The following PKHD1L1 variants were observed in gnomAD, a reference collection of about 807,000 sequenced individuals.
PKHD1L1 encodes the protein fibrocystin-L.
Under a neutral mutation model 462.9 loss-of-function variants are expected in PKHD1L1, and 434 were observed. The observed-to-expected ratio is 0.94, with a 90% CI of 0.87 to 1.02. PKHD1L1 has a LOEUF of 1.02. Ranked by LOEUF, PKHD1L1 falls within the 50% of genes least tolerant of loss-of-function variation. The probability of loss-of-function intolerance (pLI) is 0.00; values close to 1 mark genes in which losing one functional copy is unlikely to be tolerated. For missense variants in PKHD1L1, 5,202 were observed against 5,096.1 expected, an observed-to-expected ratio of 1.02 and a Z score of -0.63; for synonymous variants, 1,781 against 1,750.0, an observed-to-expected ratio of 1.02 and a Z score of -0.44.
Position 109,445,654 on chromosome 8 carries a change from A to T in PKHD1L1, c.5776+9A>T, listed in dbSNP as rs768999613. ...AATTATCCCAAGCAGAGGTACTCCA[A>T]TATCTGCCTTATTATCTTGATATTA... On this transcript the variant is annotated intron_variant, in intron 38 of 77. Transcript: ENST00000378402. 1.0e-5 allele frequency: 16 copies of T among 1,581,770 alleles called. No individual in the cohort carries two copies. Among genetic ancestry groups the T allele is most frequent in the Non-Finnish European group, 1.3e-5 (15 of 1,154,228 alleles).
chr8:109,368,466 C>T (rs1231322989), intron 2 of PKHD1L1, among the ~76,000 whole-genome samples: 1 of 152,146 alleles, frequency 6.6e-6, no homozygotes, highest in East Asian at 1.9e-4. Context: ...AAGGATGATA[C>T]ACCTAAGGTA....
rs771075026 is a variant in PKHD1L1, at chr8:109,443,788, G to T, written c.4677G>T (p.Glu1559Asp). Residue 1559 changes from glutamate to aspartate, a missense_variant, in exon 37 of 78, where the codon GAG becomes GAT. Around this residue, in one of 3 missense-constraint regions of PKHD1L1, gnomAD observed 4,497 missense variants for 4,336.8 expected, o/e 1.04. Coordinates refer to ENST00000378402, the MANE Select transcript of PKHD1L1 (RefSeq NM_177531.6). ...AAAATTCAAAAAGATTGCTATTTGA[G>T]GTTTCAAGTTGTTTTTCACCATCTA... ...RVKNSKRLLF[E>D]VSSCFSPSIS... 1.7e-5 allele frequency: 27 copies of T among 1,613,788 alleles called. No homozygotes were observed. The highest frequency in any genetic ancestry group is 2.3e-5 in the Non-Finnish European group (27 of 1,179,772).
In PKHD1L1 at chr8:109,475,827, G is replaced by A. The variant is rs185120138; in HGVS notation, c.8757+558G>A. ...CGCCCCACTGTACTCCAGCCTGGGC[G>A]ACAGAGGGAGACTCCATCTCAAAAA... On this transcript the variant is annotated intron_variant, in intron 51 of 77. Transcript: ENST00000378402. 1.9e-4 allele frequency among the ~76,000 whole-genome samples: 24 copies of A among 127,164 alleles called. No individual in the cohort carries two copies. In the East Asian group the frequency reaches 4.9e-3, roughly 26 times the overall value. The allele number at this position is 127,164 out of a possible 152,430, so 83.4% of individuals were successfully genotyped here.
At chr8:109,389,499 AGTGTGTGT>A (rs55680302) in intron 8 of PKHD1L1, among the ~76,000 whole-genome samples, 18,619 of 140,700 alleles carry the variant, frequency 0.13, 1,368 homozygotes, top group East Asian at 0.25. Context: ...ATCTTTTAAG[AGTGTGTGT>A]GTGTGTGTGT....
intron 18 of PKHD1L1, among the ~76,000 whole-genome samples, chr8:109,409,147 T>C (rs1007022347): frequency 2.0e-5 from 3 of 152,244 alleles, no homozygotes; most frequent in African/African-American, 7.2e-5. Context: ...GAAAATGATA[T>C]GGAAATTTTA....
At chr8:109,461,944 T>C (rs781204829) in intron 48 of PKHD1L1, 36 bp downstream of exon 48, 1 of 1,567,596 alleles carries the variant, frequency 6.4e-7, no homozygotes, top group East Asian at 2.3e-5. Flanking sequence ...AGTGGTTTGC[T>C]CAAGGTTATC....
chr8:109,473,567 A>C (rs1379024724), intron 50 of PKHD1L1, among the ~76,000 whole-genome samples: 1 of 152,048 alleles, frequency 6.6e-6, no homozygotes, highest in African/African-American at 2.4e-5. Flanking sequence ...AATTCAGTGG[A>C]ATTCCACTTA....
chr8:109,517,004 C>T (rs569057516), intron 72 of PKHD1L1, among the ~76,000 whole-genome samples: 1 of 151,892 alleles, frequency 6.6e-6, no homozygotes, highest in African/African-American at 2.4e-5. Flanking sequence ...ATGAAAAAAG[C>T]AGACATAGAT....
Position 109,477,217 on chromosome 8 carries a change from A to T in PKHD1L1, c.8918-8A>T. ...TGTTCATTTAACCCACTTTTACTTC[A>T]CTTTCAGTGTCAGGAAGAAATGACC... On this transcript the variant is annotated splice_region_variant and splice_polypyrimidine_tract_variant and intron_variant, in intron 52 of 77. Transcript: ENST00000378402. The T allele has an allele frequency of 6.2e-7, 1 of 1,612,608 alleles. No homozygotes were observed. The highest frequency in any genetic ancestry group is 8.5e-7 in the Non-Finnish European group (1 of 1,179,428).
chr8:109,404,625 G>C lies in PKHD1L1; in HGVS notation c.1445G>C (p.Arg482Pro), dbSNP rs868099005. The change falls in exon 15 of 78, where the codon CGA (arginine) becomes CCA (proline). Residue 482 changes from arginine (R) to proline (P), a missense_variant. Transcript: ENST00000378402. ...GTTGATGTTGGACTGTACCAGTATC[G>C]AAATGTTTATACTGAACAACAAACA... is the stretch of plus-strand genomic sequence containing the variant. ...AFVDVGLYQY[R>P]NVYTEQQTGD... 6.2e-7 allele frequency: 1 copy of C among 1,607,408 alleles called. No homozygotes were observed. The highest frequency in any genetic ancestry group is 1.3e-5 in the African/African-American group (1 of 74,630).
At chr8:109,467,764 A>T (rs73704019) in intron 50 of PKHD1L1, among the ~76,000 whole-genome samples, 2,252 of 152,290 alleles carry the variant, frequency 0.015, 28 homozygotes, top group Middle Eastern at 0.054. Flanking sequence ...TTGATGAATC[A>T]AAGATTTGCT....
chr8:109,418,210 C>T (rs191980919), intron 21 of PKHD1L1, among the ~76,000 whole-genome samples: 34 of 152,100 alleles, frequency 2.2e-4, no homozygotes, highest in Middle Eastern at 3.4e-3. Context: ...ATCAGTTGTA[C>T]AGTTCTACGC....
intron 71 of PKHD1L1, among the ~76,000 whole-genome samples, chr8:109,513,089 A>G (rs2130996813): frequency 6.6e-6 from 1 of 151,072 alleles, no homozygotes; most frequent in East Asian, 2.0e-4. Context: ...GCTTAAGGAG[A>G]TTTTGGGCTG....
Position 109,412,419 on chromosome 8 carries a change from G to T in PKHD1L1, c.2235+5G>T, listed in dbSNP as rs1423850207. 1 of 1,600,164 alleles carries T rather than the reference G, an allele frequency of 6.2e-7. No individual in the cohort carries two copies. Among genetic ancestry groups the T allele is most frequent in the African/African-American group, 1.3e-5 (1 of 74,526 alleles). On this transcript the variant is annotated splice_donor_5th_base_variant and intron_variant, in intron 20 of 77. Transcript: ENST00000378402. ...TTATTGTTTCCTTATAATCAGGTAA[G>T]CTCAACAAAATGATATGCTAATTGA...
chr8:109,381,637 G>C, intron 3 of PKHD1L1, 123 bp downstream of exon 3: 1 of 748,012 alleles, frequency 1.3e-6, no homozygotes, highest in Non-Finnish European at 2.0e-6. Context: ...CTGATTATAG[G>C]TTAGTATTTT....
At chr8:109,433,349 G>T in intron 28 of PKHD1L1, 133 bp downstream of exon 28, 2 of 790,566 alleles carry the variant, frequency 2.5e-6, no homozygotes, top group Non-Finnish European at 4.0e-6. Flanking sequence ...TGATCCCTAT[G>T]GGGTCATGAA....
chr8:109,370,289 T>C lies in PKHD1L1; in HGVS notation c.163+5653T>C, dbSNP rs897309820. On this transcript the variant is annotated intron_variant, in intron 2 of 77. Transcript: ENST00000378402. ...CACCACTGCATCTGGCTATTTTTTATATTTTTAGTAGAGACAGTTTCACCA... is the reference window on the plus strand; with the variant it reads ...CACCACTGCATCTGGCTATTTTTTACATTTTTAGTAGAGACAGTTTCACCA... 3.3e-4 allele frequency among the ~76,000 whole-genome samples: 50 copies of C among 152,094 alleles called. 1 individual carries two copies. The highest frequency in any genetic ancestry group is 6.8e-3 in the Middle Eastern group (2 of 294).
intron 74 of PKHD1L1, 75 bp downstream of exon 74, chr8:109,522,412 C>T: frequency 7.3e-7 from 1 of 1,367,074 alleles, no homozygotes. Flanking sequence ...TTTTAACTCT[C>T]TGTTTCTATT....
At chr8:109,444,093 A>G (rs1815974119) in intron 37 of PKHD1L1, among the ~76,000 whole-genome samples, 191 bp downstream of exon 37, 1 of 145,570 alleles carries the variant, frequency 6.9e-6, no homozygotes, top group Admixed American at 7.1e-5. Flanking sequence ...CACACAATCA[A>G]TTTTAGAACA....
Sources: gnomAD v4.1 joint callset for allele counts (sites outside exome capture counted in the v4.1 genomes callset) on GRCh38, gnomAD v4.1.1 for gene constraint, gnomAD v4.1.1 regional missense constraint, MANE v1.5 for transcripts, NCBI Gene and HGNC (gene_info 2026-07-23, HGNC 2026-07-21) for gene names.